Variants in SNTB1 observed in about 807,000 individuals in gnomAD.
The protein encoded by SNTB1 is syntrophin beta 1.
SNTB1 carries 36 observed loss-of-function variants against 48.9 expected under a neutral mutation model. The observed-to-expected ratio is 0.74, with a 90% CI of 0.56 to 0.97. The LOEUF is 0.97. SNTB1 is among the 50% of genes least tolerant of loss of function. SNTB1 has a pLI of 0.00. For missense variants in SNTB1, 786 were observed against 703.4 expected, an observed-to-expected ratio of 1.12 and a Z score of -1.33; for synonymous variants, 299 against 294.6, an observed-to-expected ratio of 1.01 and a Z score of -0.15.
chr8:120,715,655 A>G (rs1235305113), intron 1 of SNTB1, among the ~76,000 whole-genome samples: 1 of 152,246 alleles, frequency 6.6e-6, no homozygotes. Context: ...TGATGTCAAC[A>G]CTGAGACAGT....
intron 3 of SNTB1, among the ~76,000 whole-genome samples, chr8:120,609,228 A>G (rs1057213641): frequency 1.6e-4 from 24 of 152,244 alleles, no homozygotes; most frequent in African/African-American, 5.8e-4. Context: ...AAGAAAAAAT[A>G]TCTTAAAAAC....
intron 1 of SNTB1, among the ~76,000 whole-genome samples, chr8:120,750,835 T>C (rs1416565161): frequency 1.3e-5 from 2 of 152,062 alleles, no homozygotes; most frequent in Non-Finnish European, 2.9e-5. Flanking sequence ...AGAATCAGCT[T>C]TATGCATTAG....
At chr8:120,539,085 G>T in intron 6 of SNTB1, 116 bp from the exon 7 acceptor site, 1 of 698,968 alleles carries the variant, frequency 1.4e-6, no homozygotes, top group Non-Finnish European at 2.4e-6. Flanking sequence ...GTTGACTGGA[G>T]CAATTATGCT....
chr8:120,568,617 G>A (rs1389533611), intron 4 of SNTB1, among the ~76,000 whole-genome samples: 8 of 152,246 alleles, frequency 5.3e-5, no homozygotes, highest in East Asian at 1.9e-4. Context: ...CTGGAGGAAG[G>A]AAGACTAGAA....
At chr8:120,647,089 A>G (rs1403635892) in intron 2 of SNTB1, among the ~76,000 whole-genome samples, 1 of 138,674 alleles carries the variant, frequency 7.2e-6, no homozygotes, top group African/African-American at 2.7e-5. Flanking sequence ...GCGGTCTATC[A>G]ATTTTGTTGA....
chr8:120,727,604 G>C (rs1470345692), intron 1 of SNTB1, among the ~76,000 whole-genome samples: 1 of 152,154 alleles, frequency 6.6e-6, no homozygotes, highest in East Asian at 1.9e-4. Context: ...CTACCACCAG[G>C]TGTTTTTTCA....
At chr8:120,704,687 A>T (rs1237343954) in intron 1 of SNTB1, among the ~76,000 whole-genome samples, 30 of 152,160 alleles carry the variant, frequency 2.0e-4, no homozygotes, top group Admixed American at 2.0e-3. Flanking sequence ...CTAATAGATG[A>T]GGTACATAAT....
chr8:120,681,590 G>T (rs1817932727), intron 2 of SNTB1, among the ~76,000 whole-genome samples: 1 of 150,620 alleles, frequency 6.6e-6, no homozygotes. Context: ...TGGAAAGTGG[G>T]TATTCTCCCA....
At chr8:120,572,010 C>T (rs1392021318) in intron 4 of SNTB1, among the ~76,000 whole-genome samples, 1 of 152,116 alleles carries the variant, frequency 6.6e-6, no homozygotes, top group Non-Finnish European at 1.5e-5. Flanking sequence ...CCCGGCCCCA[C>T]CCCCGCTGCT....
chr8:120,627,211 C>T (rs1816897675), intron 3 of SNTB1, among the ~76,000 whole-genome samples: 1 of 152,202 alleles, frequency 6.6e-6, no homozygotes, highest in South Asian at 2.1e-4. Flanking sequence ...GCAATGAGGT[C>T]TGTACTTATG....
intron 3 of SNTB1, among the ~76,000 whole-genome samples, chr8:120,609,189 A>G (rs1816576178): frequency 6.6e-6 from 1 of 152,194 alleles, no homozygotes; most frequent in African/African-American, 2.4e-5. Context: ...GAAAAGAACA[A>G]AGGAAAAGTA....
chr8:120,653,661 G>A (rs374272803), intron 2 of SNTB1, among the ~76,000 whole-genome samples: 4 of 152,090 alleles, frequency 2.6e-5, no homozygotes, highest in Admixed American at 6.5e-5. Flanking sequence ...ATATATGGGC[G>A]CTTAAAGATA....
chr8:120,652,762 C>T (rs1231965920), intron 2 of SNTB1, among the ~76,000 whole-genome samples: 1 of 152,086 alleles, frequency 6.6e-6, no homozygotes, highest in Non-Finnish European at 1.5e-5. Context: ...TATGGAAGTG[C>T]TTTGTGACCT....
intron 3 of SNTB1, among the ~76,000 whole-genome samples, chr8:120,597,433 G>A (rs933133295): frequency 6.6e-6 from 1 of 152,210 alleles, no homozygotes; most frequent in Non-Finnish European, 1.5e-5. Context: ...CAAGGGATGC[G>A]ATGGATTTTT....
intron 2 of SNTB1, among the ~76,000 whole-genome samples, chr8:120,653,708 A>C (rs1817446376): frequency 6.6e-6 from 1 of 152,142 alleles, no homozygotes; most frequent in Non-Finnish European, 1.5e-5. Flanking sequence ...GAGCTGTGGA[A>C]TCATGTGTCC....
At chr8:120,765,166 A>T (rs1041209520) in intron 1 of SNTB1, among the ~76,000 whole-genome samples, 1 of 152,188 alleles carries the variant, frequency 6.6e-6, no homozygotes, top group African/African-American at 2.4e-5. Context: ...CGGAGCTTGC[A>T]GTGAGCCAAG....
chr8:120,635,174 G>GA (rs1817054235), intron 2 of SNTB1, among the ~76,000 whole-genome samples: 2 of 152,050 alleles, frequency 1.3e-5, no homozygotes, highest in African/African-American at 4.8e-5. Flanking sequence ...TCGCGCAGAA[G>GA]AAAAAAATCT....
chr8:120,673,702 T>C (rs1286155442), intron 2 of SNTB1, among the ~76,000 whole-genome samples: 1 of 151,582 alleles, frequency 6.6e-6, no homozygotes, highest in African/African-American at 2.4e-5. Flanking sequence ...TGCTCTACTA[T>C]GACTGGTTGG....
At chr8:120,676,672 A>G (rs1208732034) in intron 2 of SNTB1, among the ~76,000 whole-genome samples, 2 of 152,208 alleles carry the variant, frequency 1.3e-5, no homozygotes, top group Non-Finnish European at 2.9e-5. Flanking sequence ...AAGGATTCCA[A>G]AAGAAAAGGT....
Sources: gnomAD v4.1 joint callset for allele counts (sites outside exome capture counted in the v4.1 genomes callset) on GRCh38, gnomAD v4.1.1 for gene constraint, MANE v1.5 for transcripts, NCBI Gene and HGNC (gene_info 2026-07-23, HGNC 2026-07-21) for gene names.